The following GPHN variants were observed in gnomAD, a reference collection of about 807,000 sequenced individuals.
GPHN encodes gephyrin.
In GPHN, 17 loss-of-function variants were observed where a neutral mutation model predicts 95.5. That is an observed-to-expected ratio of 0.18 (90% CI 0.12 to 0.27). GPHN has a LOEUF of 0.27. Among genes scored for constraint, GPHN ranks in the 10% least tolerant of loss-of-function variants. The probability of loss-of-function intolerance (pLI) is 1.00; values close to 1 mark genes in which losing one functional copy is unlikely to be tolerated. For synonymous variants in GPHN, 320 were observed against 322.5 expected, an observed-to-expected ratio of 0.99 and a Z score of 0.08; for missense variants, 660 against 978.1, an observed-to-expected ratio of 0.67 and a Z score of 4.34.
At chr14:66,828,225 AAAT>A (rs1413293313) in intron 4 of GPHN, among the ~76,000 whole-genome samples, 4 of 152,074 alleles carry the variant, frequency 2.6e-5, no homozygotes, top group African/African-American at 9.6e-5. Context: ...CTAATAAAAT[AAAT>A]AATAAATAAG....
the GPHN span, among the ~76,000 whole-genome samples, chr14:67,644,517 CAAG>C: frequency 7.9e-5 from 12 of 152,140 alleles, no homozygotes; most frequent in Non-Finnish European, 1.0e-4. Context: ...CTATATTGAC[CAAG>C]AAGGATGGTT....
chr14:67,478,177 G>A, the GPHN span, among the ~76,000 whole-genome samples: 25 of 152,310 alleles, frequency 1.6e-4, no homozygotes, highest in East Asian at 4.0e-3. Context: ...ATCCTCCTCC[G>A]GGGCCCAGTG....
At chr14:67,642,405 G>GT in the GPHN span, 1 of 1,602,206 alleles carries the variant, frequency 6.2e-7, no homozygotes, top group South Asian at 1.1e-5. Context: ...GGATTACATG[G>GT]TGCTTGGGGC....
chr14:67,648,305 T>C, the GPHN span: 2 of 1,167,896 alleles, frequency 1.7e-6, no homozygotes, highest in African/African-American at 1.6e-5. Context: ...GCTTAAACTT[T>C]TGTAGCTAAA....
chr14:66,974,926 A>G (rs1042697814), intron 9 of GPHN, among the ~76,000 whole-genome samples: 21 of 152,290 alleles, frequency 1.4e-4, no homozygotes, highest in African/African-American at 5.1e-4. Flanking sequence ...ATGAAAAATA[A>G]TGATACTATT....
chr14:67,658,973 T>C, the GPHN span, among the ~76,000 whole-genome samples: 2 of 152,244 alleles, frequency 1.3e-5, no homozygotes, highest in Non-Finnish European at 2.9e-5. Context: ...TCCATTTCTC[T>C]GCCATGCTAC....
chr14:66,509,327 G>A (rs988442894), intron 1 of GPHN: 1 of 152,362 alleles, frequency 6.6e-6, no homozygotes, highest in Non-Finnish European at 1.5e-5. Flanking sequence ...TACTTGAGAG[G>A]GCAGGATTCC....
chr14:66,934,602 G>C (rs1222318749), intron 8 of GPHN, among the ~76,000 whole-genome samples: 1 of 152,164 alleles, frequency 6.6e-6, no homozygotes, highest in Non-Finnish European at 1.5e-5. Flanking sequence ...TAACTACTGG[G>C]GGACACAGAT....
intron 16 of GPHN, among the ~76,000 whole-genome samples, chr14:67,120,539 T>G (rs958503966): frequency 6.6e-6 from 1 of 151,534 alleles, no homozygotes; most frequent in Non-Finnish European, 1.5e-5. Context: ...TGCAGCAAAA[T>G]AACAGAGAGG....
At chr14:67,376,367 T>G in the GPHN span, 1 of 1,385,926 alleles carries the variant, frequency 7.2e-7, no homozygotes, top group African/African-American at 1.5e-5. Flanking sequence ...ATTATGTTAT[T>G]TACTAAAATG....
rs768676356 is a variant in GPHN, at chr14:66,508,527, C to T, written c.-1C>T. 8 of 1,613,890 alleles carry T rather than the reference C, an allele frequency of 5.0e-6. No homozygotes were observed. The Admixed American group carries it at 8.3e-5, about 17-fold the overall frequency. On this transcript the variant is annotated 5_prime_UTR_variant, in exon 1 of 23. Transcript: ENST00000478722. ...TCAGTGCGGTGACTGCGCTGGGAAA[C>T]ATGGCGACCGAGGGAATGATCCTTA...
At chr14:67,423,087 C>T in the GPHN span, among the ~76,000 whole-genome samples, 1 of 152,188 alleles carries the variant, frequency 6.6e-6, no homozygotes, top group African/African-American at 2.4e-5. Flanking sequence ...CCTGCCTCAG[C>T]CTCCCAAAGT....
the GPHN span, among the ~76,000 whole-genome samples, chr14:67,486,330 A>G: frequency 2.6e-5 from 4 of 152,234 alleles, no homozygotes; most frequent in African/African-American, 9.6e-5. Context: ...GCTGGGGTGC[A>G]ATGGCACGAT....
chr14:66,950,548 CAGTT>C (rs1167773805), intron 8 of GPHN, among the ~76,000 whole-genome samples: 2 of 152,182 alleles, frequency 1.3e-5, no homozygotes, highest in African/African-American at 4.8e-5. Flanking sequence ...TTGTAATTCT[CAGTT>C]AGTGGCTGCT....
chr14:67,672,496 A>G, the GPHN span, among the ~76,000 whole-genome samples: 3 of 125,764 alleles, frequency 2.4e-5, no homozygotes, highest in Non-Finnish European at 4.8e-5. Context: ...CCCAGGCTGG[A>G]GTTCAGTGGC....
chr14:66,778,798 G>C (rs1246215979), intron 3 of GPHN, among the ~76,000 whole-genome samples: 3 of 123,374 alleles, frequency 2.4e-5, no homozygotes, highest in Non-Finnish European at 4.7e-5. Context: ...GCAGTGGCAT[G>C]ATCTCAGCTC....
intron 1 of GPHN, among the ~76,000 whole-genome samples, chr14:66,559,499 G>A (rs2060142622): frequency 6.6e-6 from 1 of 150,840 alleles, no homozygotes; most frequent in South Asian, 2.1e-4. Context: ...GTGATGATGA[G>A]CATTTTTTCA....
the GPHN span, among the ~76,000 whole-genome samples, chr14:67,286,381 C>G: frequency 6.6e-6 from 1 of 152,142 alleles, no homozygotes; most frequent in East Asian, 1.9e-4. Context: ...TTTGTTGTCT[C>G]TGTGTCTTCA....
chr14:67,714,454 C>G, the GPHN span: 1 of 152,148 alleles, frequency 6.6e-6, no homozygotes, highest in Non-Finnish European at 1.5e-5. Context: ...ATTTTTGTAC[C>G]TAATATTTAC....
Sources: allele counts gnomAD v4.1 joint callset (sites outside exome capture counted in the v4.1 genomes callset), GRCh38; gene constraint gnomAD v4.1.1; transcripts MANE v1.5; gene names NCBI Gene and HGNC (gene_info 2026-07-23, HGNC 2026-07-21).